PRKCA: variants seen among roughly 807,000 people sequenced by gnomAD.
PRKCA encodes the protein protein kinase C alpha.
In PRKCA, 27 loss-of-function variants were observed where a neutral mutation model predicts 87.0. The observed-to-expected ratio is 0.31, with a 90% CI of 0.23 to 0.43. The LOEUF (loss-of-function observed/expected upper bound fraction) is 0.43, where lower values mean the gene tolerates loss of function less well. PRKCA is among the 20% of genes least tolerant of loss of function. PRKCA has a pLI of 1.00. For synonymous variants in PRKCA, 329 were observed against 311.1 expected, an observed-to-expected ratio of 1.06 and a Z score of -0.61; for missense variants, 518 against 852.3, an observed-to-expected ratio of 0.61 and a Z score of 4.88.
At chr17:66,405,019 G>A (rs370796355) in intron 2 of PRKCA, among the ~76,000 whole-genome samples, 1 of 151,980 alleles carries the variant, frequency 6.6e-6, no homozygotes, top group East Asian at 1.9e-4. Context: ...CAAAGTGCTG[G>A]GATTACAGGT....
intron 4 of PRKCA, 76 bp from the exon 5 acceptor site, chr17:66,645,307 C>G: frequency 6.3e-7 from 1 of 1,598,370 alleles, no homozygotes; most frequent in Non-Finnish European, 8.5e-7. Context: ...TTCACTTGTG[C>G]TCATGCACCA....
chr17:66,633,426 G>A (rs1296144039), intron 3 of PRKCA, among the ~76,000 whole-genome samples: 5 of 152,090 alleles, frequency 3.3e-5, no homozygotes, highest in African/African-American at 1.2e-4. Context: ...GTCAGCATGT[G>A]GGTGACATTT....
intron 3 of PRKCA, among the ~76,000 whole-genome samples, chr17:66,531,237 G>A (rs995081454): frequency 6.6e-6 from 1 of 152,220 alleles, no homozygotes; most frequent in African/African-American, 2.4e-5. Context: ...CTGGAGGGCA[G>A]GAGGAGCCGC....
At chr17:66,732,296 A>G (rs914786662) in intron 8 of PRKCA, among the ~76,000 whole-genome samples, 4 of 152,194 alleles carry the variant, frequency 2.6e-5, no homozygotes, top group Non-Finnish European at 5.9e-5. Context: ...TAAATTGGAA[A>G]ATCTACAAAT....
At chr17:66,773,397 TATC>T (rs1568025489) in intron 13 of PRKCA, among the ~76,000 whole-genome samples, 1 of 152,110 alleles carries the variant, frequency 6.6e-6, no homozygotes, top group Non-Finnish European at 1.5e-5. Context: ...AATGTTTCCT[TATC>T]ATCATCCTTA....
chr17:66,482,635 C>G (rs1406414655), intron 2 of PRKCA, among the ~76,000 whole-genome samples: 3 of 152,196 alleles, frequency 2.0e-5, no homozygotes, highest in Non-Finnish European at 4.4e-5. Flanking sequence ...CAAGAAAGTA[C>G]TTTCACCAGC....
intron 3 of PRKCA, among the ~76,000 whole-genome samples, chr17:66,592,850 T>A (rs1474561453): frequency 1.3e-5 from 2 of 152,284 alleles, no homozygotes; most frequent in East Asian, 3.8e-4. Flanking sequence ...TGGAGTGCAG[T>A]GGCGCAATCT....
intron 3 of PRKCA, among the ~76,000 whole-genome samples, chr17:66,578,225 C>G (rs1349712039): frequency 7.0e-6 from 1 of 143,800 alleles, no homozygotes; most frequent in Non-Finnish European, 1.6e-5. Context: ...GGGGCATCCA[C>G]CTAGGCCAGC....
At chr17:66,405,356 T>C (rs534797696) in intron 2 of PRKCA, among the ~76,000 whole-genome samples, 1 of 152,364 alleles carries the variant, frequency 6.6e-6, no homozygotes, top group East Asian at 1.9e-4. Flanking sequence ...GGCAAAGTGA[T>C]GTTGAACTGG....
rs57292153 is a variant in PRKCA at position 66,347,941 on chromosome 17, C to CTTTTTTTTTTTTTTTTTTTTTTTTT, written c.205+41833_205+41834insTTTTTTTTTTTTTTTTTTTTTTTTT. On this transcript the variant is annotated intron_variant, in intron 2 of 16. Transcript: ENST00000413366. ...AGAATATTTACTCAGAATTCTGAACCTTTTTTTTTTTTTTTTTTTGAGACA... is the reference window on the plus strand; with the variant it reads ...AGAATATTTACTCAGAATTCTGAACCTTTTTTTTTTTTTTTTTTTTTTTTTTTTTTTTTTTTTTTTTTTTGAGACA... Among the ~76,000 whole-genome samples, 8 of 56,454 alleles carry CTTTTTTTTTTTTTTTTTTTTTTTTT rather than the reference C, an allele frequency of 1.4e-4. 2 individuals are homozygous for CTTTTTTTTTTTTTTTTTTTTTTTTT. The highest frequency in any genetic ancestry group is 1.3e-3 in the East Asian group (2 of 1,500). 37.0% of individuals were successfully genotyped at this position (56,454 alleles called of 152,430 possible).
chr17:66,524,408 G>A (rs1177693402), intron 3 of PRKCA, among the ~76,000 whole-genome samples: 1 of 152,018 alleles, frequency 6.6e-6, no homozygotes, highest in Non-Finnish European at 1.5e-5. Context: ...TGTTGTTTTG[G>A]GAGACTGATG....
intron 2 of PRKCA, among the ~76,000 whole-genome samples, chr17:66,469,885 C>A (rs2144008853): frequency 6.6e-6 from 1 of 152,176 alleles, no homozygotes; most frequent in South Asian, 2.1e-4. Context: ...GAAACATAAA[C>A]CTCTAGGATC....
intron 8 of PRKCA, 69 bp from the exon 9 acceptor site, chr17:66,732,619 A>T: frequency 6.3e-7 from 1 of 1,591,154 alleles, no homozygotes. Context: ...CAGTTACAAC[A>T]CGGTGGTTTC....
intron 4 of PRKCA, among the ~76,000 whole-genome samples, chr17:66,644,842 A>C (rs1440520385): frequency 6.6e-6 from 1 of 152,130 alleles, no homozygotes; most frequent in Non-Finnish European, 1.5e-5. Flanking sequence ...TCTTATGTTC[A>C]AGCTGGGTGC....
At chr17:66,391,581 A>G (rs772613570) in intron 2 of PRKCA, among the ~76,000 whole-genome samples, 10 of 152,198 alleles carry the variant, frequency 6.6e-5, no homozygotes, top group African/African-American at 1.7e-4. Flanking sequence ...CTCTTACTCA[A>G]CCACTAGATG....
intron 6 of PRKCA, among the ~76,000 whole-genome samples, chr17:66,687,809 A>G (rs1169842409): frequency 6.6e-6 from 1 of 152,174 alleles, no homozygotes; most frequent in African/African-American, 2.4e-5. Flanking sequence ...GAAGGAGGGA[A>G]TAAATAAATC....
intron 2 of PRKCA, among the ~76,000 whole-genome samples, chr17:66,332,229 CTTTTTT>C (rs59302970): frequency 1.5e-5 from 2 of 129,922 alleles, no homozygotes; most frequent in African/African-American, 6.2e-5. Context: ...TTCCTTCCTT[CTTTTTT>C]TTTTTTTTTT....
At chr17:66,561,433 C>T (rs556013104) in intron 3 of PRKCA, among the ~76,000 whole-genome samples, 6 of 152,306 alleles carry the variant, frequency 3.9e-5, no homozygotes, top group African/African-American at 1.4e-4. Context: ...TTGATCATGC[C>T]ACTGAGAATG....
At chr17:66,730,306 C>A (rs1973853896) in intron 8 of PRKCA, among the ~76,000 whole-genome samples, 1 of 152,154 alleles carries the variant, frequency 6.6e-6, no homozygotes, top group Non-Finnish European at 1.5e-5. Flanking sequence ...GGGTTCTTGG[C>A]TTTGGGCGGG....
Sources: allele counts gnomAD v4.1 joint callset (sites outside exome capture counted in the v4.1 genomes callset), GRCh38; gene constraint gnomAD v4.1.1; transcripts MANE v1.5; gene names NCBI Gene and HGNC (gene_info 2026-07-23, HGNC 2026-07-21).